Variants in TIAM2 observed in about 807,000 individuals in gnomAD.
TIAM2 encodes the protein TIAM Rac1 associated GEF 2.
In TIAM2, 80 loss-of-function variants were observed where a neutral mutation model predicts 152.9. That is an observed-to-expected ratio of 0.52 (90% confidence interval 0.44 to 0.63). TIAM2 has a LOEUF of 0.63. Ranked by LOEUF, TIAM2 falls within the 30% of genes least tolerant of loss-of-function variation. The probability of loss-of-function intolerance (pLI) is 0.00; values close to 1 mark genes in which losing one functional copy is unlikely to be tolerated. For synonymous variants in TIAM2, 804 were observed against 838.0 expected, an observed-to-expected ratio of 0.96 and a Z score of 0.70; for missense variants, 1,965 against 2,120.1, an observed-to-expected ratio of 0.93 and a Z score of 1.44.
intron 14 of TIAM2, among the ~76,000 whole-genome samples, chr6:155,185,425 C>A (rs912960878): frequency 1.3e-5 from 2 of 151,884 alleles, no homozygotes; most frequent in Non-Finnish European, 2.9e-5. Flanking sequence ...CCGCGCCCGG[C>A]TGTTTTTCTT....
At chr6:155,094,207 G>C (rs961511134) in intron 2 of TIAM2, among the ~76,000 whole-genome samples, 4 of 152,204 alleles carry the variant, frequency 2.6e-5, no homozygotes, top group Admixed American at 1.3e-4. Flanking sequence ...AAGCTGTGTA[G>C]ATGGTGGCCT....
At chr6:155,106,817 T>C (rs1284233395) in intron 2 of TIAM2, among the ~76,000 whole-genome samples, 3 of 152,252 alleles carry the variant, frequency 2.0e-5, no homozygotes, top group Admixed American at 2.0e-4. Flanking sequence ...TGGGCGAGCC[T>C]GGCCTCTCCG....
chr6:155,146,960 C>T (rs1453911962), intron 6 of TIAM2, among the ~76,000 whole-genome samples: 1 of 151,838 alleles, frequency 6.6e-6, no homozygotes, highest in Non-Finnish European at 1.5e-5. Context: ...TTACTGTGTT[C>T]CCCAGGCTGG....
rs60093259 is a variant in TIAM2 at position 155,043,633 on chromosome 6, C to CAAAA, written c.-208-46635_-208-46632dup. 3.0e-3 allele frequency among the ~76,000 whole-genome samples: 152 copies of CAAAA among 50,198 alleles called. 2 individuals carry two copies. Among genetic ancestry groups the CAAAA allele is most frequent in the Middle Eastern group, 0.012 (1 of 82 alleles). 32.9% of individuals were successfully genotyped at this position (50,198 alleles called of 152,430 possible). ...TGGGTGACAGAGTGAGACCCTGTCTCAAAAAAAAAAAAAAAAAAAAAAAAG... is the reference window on the plus strand; with the variant it reads ...TGGGTGACAGAGTGAGACCCTGTCTCAAAAAAAAAAAAAAAAAAAAAAAAAAAAG... On this transcript the variant is annotated intron_variant, in intron 1 of 26. Coordinates refer to ENST00000682666, the MANE Select transcript of TIAM2 (RefSeq NM_012454.4).
At chr6:155,239,232 T>A (rs1187955717) in intron 15 of TIAM2, among the ~76,000 whole-genome samples, 2 of 151,968 alleles carry the variant, frequency 1.3e-5, no homozygotes, top group Admixed American at 6.6e-5. Context: ...AAAGGAGAGT[T>A]TTTTAGTTGA....
chr6:155,122,736 T>C (rs1311214328), intron 2 of TIAM2, among the ~76,000 whole-genome samples: 1 of 152,158 alleles, frequency 6.6e-6, no homozygotes, highest in African/African-American at 2.4e-5. Context: ...CGCCACACGT[T>C]ATTATACTTC....
chr6:155,187,211 C>T (rs1056517587), intron 14 of TIAM2, among the ~76,000 whole-genome samples: 2 of 151,990 alleles, frequency 1.3e-5, no homozygotes, highest in Non-Finnish European at 1.5e-5. Context: ...CTGAAGTTTA[C>T]GTTGCTTAAC....
chr6:155,175,037 G>GA (rs1183639721), intron 9 of TIAM2, among the ~76,000 whole-genome samples: 9 of 152,124 alleles, frequency 5.9e-5, no homozygotes, highest in African/African-American at 1.9e-4. Flanking sequence ...ATGAACCAGG[G>GA]AAAAAAATGT....
intron 1 of TIAM2, among the ~76,000 whole-genome samples, chr6:155,028,670 G>T (rs1776699743): frequency 7.9e-6 from 1 of 126,062 alleles, no homozygotes; most frequent in Non-Finnish European, 1.6e-5. Flanking sequence ...TATATACTGT[G>T]TTATATATAT....
rs142577127 is a variant in TIAM2 at position 155,082,626 on chromosome 6, G to A, written c.-208-7663G>A. On this transcript the variant is annotated intron_variant, in intron 1 of 26. Coordinates refer to ENST00000682666, the MANE Select transcript of TIAM2 (RefSeq NM_012454.4). The stretch of plus-strand genomic sequence containing the variant: ...GATTGTACCATTGCACTCCGGCCTG[G>A]GCAACAAGAGTAAAACTCCATCTCA... Among the ~76,000 whole-genome samples, 960 of 148,632 alleles carry A rather than the reference G, an allele frequency of 6.5e-3. 18 individuals are homozygous for A. The highest frequency in any genetic ancestry group is 0.023 in the African/African-American group (907 of 40,172).
intron 1 of TIAM2, among the ~76,000 whole-genome samples, chr6:155,029,078 C>CTG (rs1554225421): frequency 2.2e-5 from 1 of 45,632 alleles, no homozygotes; most frequent in African/African-American, 1.6e-4. Context: ...ACTATATATA[C>CTG]TGTTATATAT....
chr6:155,153,157 G>C (rs1188116900), intron 7 of TIAM2, among the ~76,000 whole-genome samples: 1 of 151,742 alleles, frequency 6.6e-6, no homozygotes, highest in Admixed American at 6.6e-5. Context: ...TTTCATTTTT[G>C]GTTCTCCCCT....
At chr6:155,210,914 G>T (rs1583251915) in intron 14 of TIAM2, among the ~76,000 whole-genome samples, 1 of 152,188 alleles carries the variant, frequency 6.6e-6, no homozygotes. Context: ...GCTTAGGGGA[G>T]CATAGTTCAC....
At chr6:155,094,841 C>T (rs141878725) in intron 2 of TIAM2, among the ~76,000 whole-genome samples, 2 of 151,814 alleles carry the variant, frequency 1.3e-5, no homozygotes, top group African/African-American at 2.4e-5. Flanking sequence ...CGTCAGCCTC[C>T]CAAAGTGCTG....
intron 1 of TIAM2, among the ~76,000 whole-genome samples, chr6:155,035,207 G>A (rs150000779): frequency 5.4e-5 from 8 of 148,052 alleles, no homozygotes; most frequent in South Asian, 4.3e-4. Flanking sequence ...TTTATTCTTC[G>A]CCTTACATGT....
intron 9 of TIAM2, among the ~76,000 whole-genome samples, chr6:155,172,687 T>TATATATATATATA (rs1491511697): frequency 1.0e-3 from 14 of 13,598 alleles, no homozygotes; most frequent in South Asian, 4.3e-3. Flanking sequence ...TATATATATA[T>TATATATATATATA]TTTTTTTTTT....
rs143813408 is a variant in TIAM2, at chr6:155,218,451, T to C, written c.3168+7144T>C. ...GCTTAAACCTGAATTTGTATTCCCA[T>C]CCACCATGCCTTATCATTATGTGAC... On this transcript the variant is annotated intron_variant, in intron 15 of 26. Transcript: ENST00000682666. This position sits in a 1 kb window ranked among gnomAD's most constrained non-coding sequence, Gnocchi z 4.5. Among the ~76,000 whole-genome samples, 88 of 152,316 alleles carry C rather than the reference T, an allele frequency of 5.8e-4. No individual in the cohort carries two copies. The highest frequency in any genetic ancestry group is 2.1e-3 in the African/African-American group (87 of 41,574).
intron 2 of TIAM2, among the ~76,000 whole-genome samples, chr6:155,092,178 C>T (rs556130968): frequency 1.4e-5 from 2 of 146,482 alleles, no homozygotes; most frequent in South Asian, 2.2e-4. Context: ...GGATTACAGG[C>T]GTAATCCCAC....
intron 2 of TIAM2, among the ~76,000 whole-genome samples, chr6:155,101,191 C>A (rs1268059573): frequency 6.6e-6 from 1 of 152,150 alleles, no homozygotes; most frequent in Non-Finnish European, 1.5e-5. Context: ...AATCAGCTCC[C>A]CCGGTAATGT....
Sources: gnomAD v4.1 joint callset for allele counts (sites outside exome capture counted in the v4.1 genomes callset) on GRCh38, gnomAD v4.1.1 for gene constraint, Gnocchi (gnomAD v3.1) non-coding constraint, MANE v1.5 for transcripts, NCBI Gene and HGNC (gene_info 2026-07-23, HGNC 2026-07-21) for gene names.